Variants in MEF2A observed in about 807,000 individuals in gnomAD.
The protein encoded by MEF2A is myocyte-specific enhancer factor 2A.
A neutral mutation model predicts 55.8 loss-of-function variants in MEF2A; 28 were observed. That is an observed-to-expected ratio of 0.50 (90% CI 0.37 to 0.69). MEF2A has a LOEUF of 0.69. Among genes scored for constraint, MEF2A ranks in the 30% least tolerant of loss-of-function variants. The pLI, the probability that MEF2A is intolerant of heterozygous loss-of-function variation, is 0.00. For missense variants in MEF2A, 528 were observed against 626.2 expected, an observed-to-expected ratio of 0.84 and a Z score of 1.67; for synonymous variants, 239 against 227.1, an observed-to-expected ratio of 1.05 and a Z score of -0.47.
At chr15:99,615,684 A>G (rs767570074) in intron 2 of MEF2A, among the ~76,000 whole-genome samples, 5 of 152,310 alleles carry the variant, frequency 3.3e-5, no homozygotes, top group Non-Finnish European at 7.3e-5. Flanking sequence ...CCTGTTAACC[A>G]TGTTAACCAC....
intron 4 of MEF2A, among the ~76,000 whole-genome samples, chr15:99,666,515 A>G (rs1300218192): frequency 6.6e-6 from 1 of 151,520 alleles, no homozygotes; most frequent in Non-Finnish European, 1.5e-5. Context: ...GCAAGCCACC[A>G]TGGCACATGT....
intron 3 of MEF2A, among the ~76,000 whole-genome samples, chr15:99,642,599 A>G (rs1359143936): frequency 2.0e-5 from 3 of 152,038 alleles, no homozygotes; most frequent in Non-Finnish European, 4.4e-5. Flanking sequence ...TATCTCTGAC[A>G]GTTTTTGGCA....
chr15:99,618,720 G>C (rs1596512814), intron 2 of MEF2A, among the ~76,000 whole-genome samples: 1 of 152,108 alleles, frequency 6.6e-6, no homozygotes, highest in Admixed American at 6.6e-5. Flanking sequence ...AGAAGAGAGA[G>C]AATGAAAGTT....
intron 2 of MEF2A, among the ~76,000 whole-genome samples, chr15:99,603,631 C>T (rs544820519): frequency 6.7e-6 from 1 of 150,238 alleles, no homozygotes; most frequent in South Asian, 2.1e-4. Context: ...GAACTGCTGA[C>T]CTCAAGTGAT....
At chr15:99,651,437 A>T (rs1346510817) in intron 4 of MEF2A, among the ~76,000 whole-genome samples, 1 of 152,172 alleles carries the variant, frequency 6.6e-6, no homozygotes, top group African/African-American at 2.4e-5. Context: ...GACAGGGAGT[A>T]TTTAAGAGGC....
intron 10 of MEF2A, among the ~76,000 whole-genome samples, chr15:99,708,915 G>A (rs556902935): frequency 6.6e-6 from 1 of 152,294 alleles, no homozygotes; most frequent in East Asian, 1.9e-4. Flanking sequence ...AGCGTGGGTG[G>A]TTAGAATTGA....
At chr15:99,601,251 G>C (rs1366351533) in intron 2 of MEF2A, among the ~76,000 whole-genome samples, 1 of 152,058 alleles carries the variant, frequency 6.6e-6, no homozygotes, top group African/African-American at 2.4e-5. Flanking sequence ...TTGTAATATT[G>C]CTAAATTAAT....
At chr15:99,670,374 T>C (rs1486685884) in intron 4 of MEF2A, among the ~76,000 whole-genome samples, 1 of 152,182 alleles carries the variant, frequency 6.6e-6, no homozygotes, top group African/African-American at 2.4e-5. Context: ...TTTGGGAGGC[T>C]GAGGTGGGTG....
At chr15:99,668,072 G>T (rs2050141736) in intron 4 of MEF2A, among the ~76,000 whole-genome samples, 1 of 152,088 alleles carries the variant, frequency 6.6e-6, no homozygotes, top group Non-Finnish European at 1.5e-5. Context: ...AAAAAAAACT[G>T]TTAAAATAAT....
intron 4 of MEF2A, among the ~76,000 whole-genome samples, chr15:99,663,592 ACATTTC>A (rs1397738001): frequency 6.6e-6 from 1 of 151,986 alleles, no homozygotes; most frequent in Non-Finnish European, 1.5e-5. Context: ...TATATGTATA[ACATTTC>A]CATGGAAAAT....
intron 1 of MEF2A, among the ~76,000 whole-genome samples, chr15:99,566,996 A>G (rs1258118463): frequency 1.3e-5 from 2 of 152,216 alleles, no homozygotes; most frequent in Admixed American, 6.5e-5. Context: ...GTGAGGGTTA[A>G]AGTAAGTGAG....
chr15:99,653,203 G>A (rs2047136739), intron 4 of MEF2A, among the ~76,000 whole-genome samples: 1 of 152,170 alleles, frequency 6.6e-6, no homozygotes, highest in Non-Finnish European at 1.5e-5. Flanking sequence ...TAGTCTAAAT[G>A]ATCTTTCAGT....
intron 1 of MEF2A, chr15:99,566,590 C>T (rs1352547330): frequency 5.9e-5 from 9 of 152,210 alleles, no homozygotes; most frequent in Admixed American, 5.9e-4. Flanking sequence ...CTCGGGAGAC[C>T]CCGGAGAAGG....
At chr15:99,580,275 T>C (rs1205575833) in intron 1 of MEF2A, among the ~76,000 whole-genome samples, 1 of 152,146 alleles carries the variant, frequency 6.6e-6, no homozygotes, top group Non-Finnish European at 1.5e-5. Flanking sequence ...ATTGTCAACA[T>C]TCTTTGTCTT....
At chr15:99,706,924 G>T in intron 10 of MEF2A, 69 bp downstream of exon 10, 5 of 1,496,016 alleles carry the variant, frequency 3.3e-6, no homozygotes, top group East Asian at 2.4e-5. Flanking sequence ...GTGCTTCTGT[G>T]ATTTTTTTTA....
At chr15:99,676,186 A>T (rs991752769) in intron 7 of MEF2A, among the ~76,000 whole-genome samples, 1 of 152,242 alleles carries the variant, frequency 6.6e-6, no homozygotes, top group African/African-American at 2.4e-5. Context: ...TATCTGCCAC[A>T]GTATTAAATA....
In MEF2A at chr15:99,674,485, G is replaced by T. The variant is rs1263995057; in HGVS notation, c.483G>T (p.Leu161=). 1.2e-6 allele frequency: 2 copies of T among 1,613,764 alleles called. No homozygotes were observed. The highest frequency in any genetic ancestry group is 3.3e-5 in the Admixed American group (2 of 59,986). Residue 161 remains leucine, a synonymous_variant, in exon 6 of 12, where the codon CTG becomes CTT. Transcript: ENST00000557942. ...CCTACACTAACCCAGGGAGTTCACT[G>T]GTGTCCCCATCTTTGGCAGCCAGCT... is the stretch of plus-strand genomic sequence containing the variant. ...ALSYTNPGSS[L]VSPSLAASST... is the part of the protein sequence containing the mutation.
chr15:99,634,294 A>G lies in MEF2A; in HGVS notation c.54+1121A>G, dbSNP rs181111069. 1.1e-4 allele frequency among the ~76,000 whole-genome samples: 16 copies of G among 152,300 alleles called. No homozygotes were observed. The East Asian group carries it at 2.9e-3, about 28-fold the overall frequency. On this transcript the variant is annotated intron_variant, in intron 3 of 11. Coordinates refer to ENST00000557942, the MANE Select transcript of MEF2A (RefSeq NM_001319206.4). Reference sequence around the variant, plus strand: ...AATTAAAGAGGAGGCCCTGGTTTCAACTCATGAAGATTGTTCAACAAAGAC... The same window carrying G: ...AATTAAAGAGGAGGCCCTGGTTTCAGCTCATGAAGATTGTTCAACAAAGAC...
At chr15:99,633,352 G>A (rs1238043523) in intron 3 of MEF2A, among the ~76,000 whole-genome samples, 179 bp downstream of exon 3, 1 of 151,866 alleles carries the variant, frequency 6.6e-6, no homozygotes, top group East Asian at 1.9e-4. Flanking sequence ...GCTTTAAAGA[G>A]ACTTCCTTAT....
Sources: allele counts gnomAD v4.1 joint callset (sites outside exome capture counted in the v4.1 genomes callset), GRCh38; gene constraint gnomAD v4.1.1; transcripts MANE v1.5; gene names NCBI Gene and HGNC (gene_info 2026-07-23, HGNC 2026-07-21).